The following EXOC6 variants were observed in gnomAD, a reference collection of about 807,000 sequenced individuals.
EXOC6 encodes the protein exocyst complex component 6.
In EXOC6, 60 loss-of-function variants were observed where a neutral mutation model predicts 112.5. That is an observed-to-expected ratio of 0.53 (90% CI 0.43 to 0.66). The LOEUF (loss-of-function observed/expected upper bound fraction) is 0.66. EXOC6 is among the 30% of genes least tolerant of loss of function. The probability of loss-of-function intolerance (pLI) is 0.00; values close to 1 mark genes in which losing one functional copy is unlikely to be tolerated. For synonymous variants in EXOC6, 295 were observed against 308.0 expected (o/e 0.96, Z 0.44); for missense variants, 855 against 957.1 (o/e 0.89, Z 1.41).
chr10:92,928,306 G>A, intron 8 of EXOC6, 33 bp from the exon 9 acceptor site: 1 of 1,296,946 alleles, frequency 7.7e-7, no homozygotes, highest in Non-Finnish European at 1.1e-6. Flanking sequence ...GTGTGTATGT[G>A]TATTTTTCAT....
intron 16 of EXOC6, among the ~76,000 whole-genome samples, chr10:92,955,270 ACAGGAAAAGTCACAATC>A (rs1478997633): frequency 2.0e-5 from 3 of 152,148 alleles, no homozygotes; most frequent in Admixed American, 1.3e-4. Context: ...TTGCCAGACT[ACAGGAAAAGTCACAATC>A]CTAATTTTTT....
intron 18 of EXOC6, 40 bp from the exon 19 acceptor site, chr10:92,997,434 T>G (rs1843543910): frequency 1.3e-6 from 2 of 1,569,306 alleles, no homozygotes; most frequent in African/African-American, 2.7e-5. Flanking sequence ...TTTCTATGTG[T>G]GTTTATTTGT....
chr10:93,020,706 C>T (rs1244238553), intron 20 of EXOC6, among the ~76,000 whole-genome samples: 1 of 152,092 alleles, frequency 6.6e-6, no homozygotes, highest in Non-Finnish European at 1.5e-5. Flanking sequence ...TTTGTCTTTT[C>T]ACAGCCACTA....
Position 92,893,392 on chromosome 10 carries a change from GA to G in EXOC6, c.149del (p.Lys50SerfsTer2). 1 of 1,612,502 alleles carries G rather than the reference GA, an allele frequency of 6.2e-7. No homozygotes were observed. The highest frequency in any genetic ancestry group is 8.5e-7 in the Non-Finnish European group (1 of 1,179,178). On this transcript the variant is annotated frameshift_variant, in exon 2 of 22. Transcript: ENST00000260762. LOFTEE classifies it high-confidence loss of function. ...DQPNAHKKFMEKLDACIRNHD... is the reference protein window; with the variant it reads ...DQPNAHKKFMXKLDACIRNHD... ...ACCAAATGCGCACAAGAAGTTTATG[GA>G]AAAGTTAGATGCTTGTATCCGTAAT...
At chr10:93,050,759 CAAAAA>C (rs58439083) in intron 20 of EXOC6, among the ~76,000 whole-genome samples, 40 of 37,308 alleles carry the variant, frequency 1.1e-3, no homozygotes, top group African/African-American at 3.2e-3. Flanking sequence ...GACTCCGTCT[CAAAAA>C]AAAAAAAAAA....
intron 5 of EXOC6, among the ~76,000 whole-genome samples, chr10:92,906,047 T>A (rs1177525895): frequency 6.6e-6 from 1 of 152,178 alleles, no homozygotes; most frequent in African/African-American, 2.4e-5. Flanking sequence ...ACAGTAAGGA[T>A]TGCTGTGTCT....
intron 8 of EXOC6, among the ~76,000 whole-genome samples, chr10:92,921,761 A>T (rs913387038): frequency 2.7e-5 from 4 of 149,120 alleles, no homozygotes; most frequent in African/African-American, 9.9e-5. Context: ...CGATTCTCCC[A>T]CTTGAGCCTC....
intron 14 of EXOC6, among the ~76,000 whole-genome samples, chr10:92,948,864 A>G (rs1481975995): frequency 3.3e-5 from 5 of 152,196 alleles, no homozygotes; most frequent in African/African-American, 1.2e-4. Flanking sequence ...TAAATAAGTG[A>G]TATGTGAAGG....
chr10:92,981,001 T>C (rs904758126), intron 18 of EXOC6, among the ~76,000 whole-genome samples: 4 of 152,142 alleles, frequency 2.6e-5, no homozygotes, highest in African/African-American at 9.7e-5. Context: ...CACTCCAGCC[T>C]GGGCGACAGA....
chr10:92,910,066 ACAATGGGAAAAGCCT>A, intron 6 of EXOC6, among the ~76,000 whole-genome samples: 1 of 152,346 alleles, frequency 6.6e-6, no homozygotes, highest in Admixed American at 6.5e-5. Flanking sequence ...AAACGGACAA[ACAATGGGAAAAGCCT>A]CAGCAGTTAG....
At chr10:92,827,505 A>AAAAAAAAAT (rs1846406143) in intron 1 of EXOC6, among the ~76,000 whole-genome samples, 1 of 149,662 alleles carries the variant, frequency 6.7e-6, no homozygotes, top group South Asian at 2.1e-4. Context: ...AAAAAAAAAA[A>AAAAAAAAAT]ATCCCCATGT....
chr10:93,039,007 G>A (rs925456604), intron 20 of EXOC6, among the ~76,000 whole-genome samples: 1 of 150,808 alleles, frequency 6.6e-6, no homozygotes, highest in Non-Finnish European at 1.5e-5. Context: ...ACCTATATAT[G>A]TATATATATA....
intron 17 of EXOC6, among the ~76,000 whole-genome samples, chr10:92,966,129 AAC>A (rs1348331265): frequency 6.6e-6 from 1 of 152,092 alleles, no homozygotes; most frequent in African/African-American, 2.4e-5. Flanking sequence ...ACCTCAGAAA[AAC>A]AGACTTATCA....
At chr10:92,877,380 A>T (rs1040878602) in intron 1 of EXOC6, among the ~76,000 whole-genome samples, 1 of 151,956 alleles carries the variant, frequency 6.6e-6, no homozygotes, top group Non-Finnish European at 1.5e-5. Context: ...TAGAAGCCAC[A>T]TGGTGTTGAA....
At chr10:92,995,027 T>A (rs991606008) in intron 18 of EXOC6, among the ~76,000 whole-genome samples, 2 of 151,978 alleles carry the variant, frequency 1.3e-5, no homozygotes, top group African/African-American at 4.8e-5. Flanking sequence ...ACTTTTGATA[T>A]TGTGAACTTA....
intron 1 of EXOC6, among the ~76,000 whole-genome samples, chr10:92,829,099 T>C (rs1389887828): frequency 6.6e-6 from 1 of 152,088 alleles, no homozygotes; most frequent in Non-Finnish European, 1.5e-5. Context: ...GGACTAAGCA[T>C]GTTCAAAATG....
chr10:93,000,109 T>C (rs761602118), intron 19 of EXOC6, among the ~76,000 whole-genome samples: 3 of 152,228 alleles, frequency 2.0e-5, no homozygotes, highest in Non-Finnish European at 4.4e-5. Flanking sequence ...CAGGCATCCA[T>C]TGGGGGACTT....
chr10:92,864,698 T>C (rs1283545684), intron 1 of EXOC6, among the ~76,000 whole-genome samples: 10 of 152,036 alleles, frequency 6.6e-5, no homozygotes, highest in Admixed American at 2.6e-4. Context: ...TCTTTCTCTC[T>C]TCTTAAGCTG....
chr10:93,005,627 C>G (rs932935849), intron 19 of EXOC6, among the ~76,000 whole-genome samples: 2 of 152,122 alleles, frequency 1.3e-5, no homozygotes, highest in Non-Finnish European at 2.9e-5. Context: ...TCAGAAAGAC[C>G]TATTCTATAT....
Sources: gnomAD v4.1 joint callset for allele counts (sites outside exome capture counted in the v4.1 genomes callset) on GRCh38, gnomAD v4.1.1 for gene constraint, MANE v1.5 for transcripts, NCBI Gene and HGNC (gene_info 2026-07-23, HGNC 2026-07-21) for gene names.